The following UXS1 variants were observed in gnomAD, a reference collection of about 807,000 sequenced individuals.
The protein encoded by UXS1 is UDP-glucuronic acid decarboxylase 1.
In UXS1, 33 loss-of-function variants were observed where a neutral mutation model predicts 62.6. The observed-to-expected ratio is 0.53, with a 90% confidence interval of 0.40 to 0.70. The LOEUF (loss-of-function observed/expected upper bound fraction) is 0.70, where lower values mean the gene tolerates loss of function less well. Among genes scored for constraint, UXS1 ranks in the 30% least tolerant of loss-of-function variants. UXS1 has a pLI of 0.00. For missense variants in UXS1, 434 were observed against 556.3 expected (o/e 0.78, Z 2.21); for synonymous variants, 213 against 206.8 (o/e 1.03, Z -0.26).
intron 5 of UXS1, among the ~76,000 whole-genome samples, chr2:106,148,391 C>A (rs570170354): frequency 1.3e-5 from 2 of 152,214 alleles, no homozygotes; most frequent in South Asian, 4.1e-4. Flanking sequence ...AAATGTAACC[C>A]CTTTTAACAT....
intron 5 of UXS1, among the ~76,000 whole-genome samples, chr2:106,156,616 A>T (rs1007645626): frequency 7.2e-5 from 11 of 152,224 alleles, no homozygotes; most frequent in Non-Finnish European, 8.8e-5. Flanking sequence ...TCCGCATATA[A>T]AATAGTGTAG....
intron 10 of UXS1, among the ~76,000 whole-genome samples, chr2:106,111,025 C>G (rs537598846): frequency 2.0e-5 from 3 of 152,330 alleles, no homozygotes; most frequent in East Asian, 1.9e-4. Context: ...GCGGAGGCAA[C>G]AGGGCTGTGT....
intron 10 of UXS1, among the ~76,000 whole-genome samples, chr2:106,107,310 G>A (rs1281812389): frequency 6.6e-6 from 1 of 152,218 alleles, no homozygotes; most frequent in Non-Finnish European, 1.5e-5. Flanking sequence ...GAGCGGCAGT[G>A]GCCTTCAACA....
At chr2:106,114,238 C>T (rs755897342) in intron 9 of UXS1, among the ~76,000 whole-genome samples, 3 of 152,170 alleles carry the variant, frequency 2.0e-5, no homozygotes, top group Non-Finnish European at 4.4e-5. Flanking sequence ...TGGAAGCACA[C>T]AGTTAACTTT....
intron 1 of UXS1, among the ~76,000 whole-genome samples, chr2:106,172,253 G>A (rs774068652): frequency 7.2e-5 from 11 of 152,132 alleles, no homozygotes; most frequent in Non-Finnish European, 1.2e-4. Flanking sequence ...CTCAGACTAC[G>A]GGAAACAGTG....
chr2:106,104,732 A>C, intron 11 of UXS1, 62 bp downstream of exon 11: 1 of 1,597,672 alleles, frequency 6.3e-7, no homozygotes, highest in South Asian at 1.1e-5. Flanking sequence ...ACTGTCTGTC[A>C]AGTTGGCATG....
chr2:106,141,342 G>C (rs988782452), intron 6 of UXS1, among the ~76,000 whole-genome samples: 6 of 152,206 alleles, frequency 3.9e-5, no homozygotes, highest in African/African-American at 1.2e-4. Context: ...TGTTAGCTGG[G>C]TCACATACAA....
intron 9 of UXS1, among the ~76,000 whole-genome samples, chr2:106,121,010 T>C (rs554126181): frequency 4.6e-5 from 7 of 152,296 alleles, no homozygotes; most frequent in Admixed American, 3.3e-4. Flanking sequence ...CCGAGACCTA[T>C]GTGAGCAGGA....
At chr2:106,180,882 G>A (rs2105105207) in intron 1 of UXS1, among the ~76,000 whole-genome samples, 1 of 152,236 alleles carries the variant, frequency 6.6e-6, no homozygotes, top group Admixed American at 6.5e-5. Flanking sequence ...GGTGTGGCAT[G>A]GTAGAAAATG....
intron 9 of UXS1, among the ~76,000 whole-genome samples, chr2:106,121,265 A>G (rs990879383): frequency 2.0e-5 from 3 of 152,228 alleles, no homozygotes; most frequent in Non-Finnish European, 4.4e-5. Context: ...TATTATTGCC[A>G]AATACCATAA....
At chr2:106,136,965 C>A (rs1476605883) in intron 6 of UXS1, among the ~76,000 whole-genome samples, 211 of 53,916 alleles carry the variant, frequency 3.9e-3, no homozygotes, top group South Asian at 5.2e-3. Flanking sequence ...AGAACACACA[C>A]AAAAAAAAAA....
intron 9 of UXS1, among the ~76,000 whole-genome samples, chr2:106,121,768 A>G (rs1054914983): frequency 1.3e-5 from 2 of 152,266 alleles, no homozygotes; most frequent in Non-Finnish European, 2.9e-5. Flanking sequence ...AAACAATAGC[A>G]TAAGGTTAAT....
intron 1 of UXS1, chr2:106,183,418 C>T (rs960664165): frequency 5.9e-5 from 9 of 152,352 alleles, no homozygotes; most frequent in African/African-American, 2.2e-4. Context: ...TTTTCTAGCA[C>T]ATCCAGACTC....
intron 5 of UXS1, among the ~76,000 whole-genome samples, chr2:106,150,579 A>G (rs1681926004): frequency 6.6e-6 from 1 of 152,254 alleles, no homozygotes; most frequent in East Asian, 1.9e-4. Context: ...TATAGGCTGT[A>G]AACCTTGGTG....
chr2:106,136,431 T>C (rs1362004596), intron 6 of UXS1, among the ~76,000 whole-genome samples: 15 of 135,328 alleles, frequency 1.1e-4, no homozygotes, highest in African/African-American at 3.9e-4. Flanking sequence ...CAAATGACTA[T>C]AAATCATGCT....
In UXS1 at chr2:106,104,784, A is replaced by ATTC. The variant is rs756432616; in HGVS notation, c.923+9_923+10insGAA. ...ACTGCTAAGGCTGGGGCAGGGCAGG[A>ATTC]CAGTCTTACCTGACGTACTGGAACG... is the stretch of plus-strand genomic sequence containing the variant. On this transcript the variant is annotated intron_variant, in intron 11 of 14. Transcript: ENST00000283148. The ATTC allele has an allele frequency of 6.2e-7, 1 of 1,613,854 alleles. No homozygotes were observed. Among genetic ancestry groups the ATTC allele is most frequent in the Non-Finnish European group, 8.5e-7 (1 of 1,179,898 alleles).
chr2:106,174,418 G>A (rs542128237), intron 1 of UXS1, among the ~76,000 whole-genome samples: 9 of 152,316 alleles, frequency 5.9e-5, no homozygotes, highest in Non-Finnish European at 1.2e-4. Flanking sequence ...AGAGCCCACC[G>A]GTCCTGAGGG....
At chr2:106,098,994 C>G (rs1383501828) in intron 12 of UXS1, among the ~76,000 whole-genome samples, 1 of 152,226 alleles carries the variant, frequency 6.6e-6, no homozygotes, top group Non-Finnish European at 1.5e-5. Context: ...CTCTAGGCTG[C>G]TGTGTACAAG....
chr2:106,184,559 G>A (rs1035310255), intron 1 of UXS1, among the ~76,000 whole-genome samples: 5 of 152,168 alleles, frequency 3.3e-5, no homozygotes, highest in East Asian at 1.9e-4. Flanking sequence ...AGACACTGGC[G>A]GTGAGGGCTC....
Sources: gnomAD v4.1 joint callset for allele counts (sites outside exome capture counted in the v4.1 genomes callset) on GRCh38, gnomAD v4.1.1 for gene constraint, MANE v1.5 for transcripts, NCBI Gene and HGNC (gene_info 2026-07-23, HGNC 2026-07-21) for gene names.